PSD3: variants seen among roughly 807,000 people sequenced by gnomAD.
PSD3 encodes the protein PH and SEC7 domain-containing protein 3.
In PSD3, 49 loss-of-function variants were observed where a neutral mutation model predicts 105.5. That is an observed-to-expected ratio of 0.46 (90% CI 0.37 to 0.59). The LOEUF is 0.59. PSD3 is among the 20% of genes least tolerant of loss of function. The pLI, the probability that PSD3 is intolerant of heterozygous loss-of-function variation, is 0.00. For missense variants in PSD3, 1,561 were observed against 1,263.8 expected (o/e 1.24, Z -3.57); for synonymous variants, 557 against 457.8 (o/e 1.22, Z -2.77).
At chr8:18,727,495 G>A (rs1444952073) in intron 9 of PSD3, among the ~76,000 whole-genome samples, 5 of 149,578 alleles carry the variant, frequency 3.3e-5, no homozygotes, top group African/African-American at 1.2e-4. Flanking sequence ...GGGTAACAGA[G>A]CAAGATTCCA....
intron 15 of PSD3, among the ~76,000 whole-genome samples, chr8:18,541,361 C>T (rs538597782): frequency 2.4e-4 from 37 of 152,172 alleles, no homozygotes; most frequent in African/African-American, 8.9e-4. Context: ...ATATTTTGAA[C>T]TCGTAATATG....
chr8:19,035,004 G>A (rs1827895390), intron 1 of PSD3, among the ~76,000 whole-genome samples: 1 of 151,928 alleles, frequency 6.6e-6, no homozygotes, highest in Non-Finnish European at 1.5e-5. Flanking sequence ...TGGATGCTCA[G>A]GAGCAAACAT....
intron 8 of PSD3, among the ~76,000 whole-genome samples, chr8:18,785,422 G>C (rs1315866644): frequency 6.6e-6 from 1 of 152,098 alleles, no homozygotes; most frequent in East Asian, 1.9e-4. Context: ...TTCTTCTGCA[G>C]CTTCCTCACC....
intron 12 of PSD3, among the ~76,000 whole-genome samples, chr8:18,583,658 G>C (rs1242285241): frequency 6.6e-6 from 1 of 152,030 alleles, no homozygotes; most frequent in Non-Finnish European, 1.5e-5. Flanking sequence ...TTTAAGTGTG[G>C]GGTTAGATAT....
At chr8:18,643,749 T>C (rs1337724219) in intron 10 of PSD3, among the ~76,000 whole-genome samples, 1 of 152,266 alleles carries the variant, frequency 6.6e-6, no homozygotes, top group Non-Finnish European at 1.5e-5. Context: ...GCCCCAATCC[T>C]ATGACTTCAC....
chr8:19,066,808 T>C (rs1398624407), intron 1 of PSD3, among the ~76,000 whole-genome samples: 1 of 152,224 alleles, frequency 6.6e-6, no homozygotes, highest in Non-Finnish European at 1.5e-5. Flanking sequence ...CAATAAATGT[T>C]AGCTTATACT....
chr8:18,631,512 T>C (rs1486464187), intron 11 of PSD3, among the ~76,000 whole-genome samples: 1 of 151,978 alleles, frequency 6.6e-6, no homozygotes, highest in Non-Finnish European at 1.5e-5. Context: ...CAAAGAATAA[T>C]GCTGACACAA....
Position 18,680,042 on chromosome 8 carries a change from C to T in PSD3, c.2173-24357G>A, listed in dbSNP as rs975627690. On this transcript the variant is annotated intron_variant, in intron 9 of 15. Coordinates refer to ENST00000327040, the MANE Select transcript of PSD3 (RefSeq NM_015310.4). ...AGTTTGAGATTCCGCCTCATTTAAA[C>T]GGTATCACGTAGTTTGGCAAGAGAT... Among the ~76,000 whole-genome samples the T allele has an allele frequency of 7.9e-5, 12 of 152,264 alleles. No individual in the cohort carries two copies. In the South Asian group the frequency reaches 1.7e-3, roughly 21 times the overall value.
At chr8:18,537,032 A>T (rs1799883986) in intron 15 of PSD3, among the ~76,000 whole-genome samples, 1 of 152,182 alleles carries the variant, frequency 6.6e-6, no homozygotes, top group South Asian at 2.1e-4. Context: ...GGGGTTTTGT[A>T]CGTGTCAGTT....
intron 1 of PSD3, among the ~76,000 whole-genome samples, chr8:18,950,953 G>A (rs7814302): frequency 0.34 from 52,126 of 151,998 alleles, 9,159 homozygotes; most frequent in Middle Eastern, 0.53. Flanking sequence ...TGGGGTGCTT[G>A]TGGATAAACT....
At chr8:18,704,307 A>C (rs1466059323) in intron 9 of PSD3, among the ~76,000 whole-genome samples, 1 of 152,188 alleles carries the variant, frequency 6.6e-6, no homozygotes, top group East Asian at 1.9e-4. Context: ...GAACTTACAC[A>C]ATGGGGACCT....
intron 4 of PSD3, among the ~76,000 whole-genome samples, chr8:18,845,501 G>C (rs1428086694): frequency 6.6e-6 from 1 of 152,224 alleles, no homozygotes; most frequent in Non-Finnish European, 1.5e-5. Flanking sequence ...TCCACACTGA[G>C]AGTGCTCTGG....
intron 14 of PSD3, among the ~76,000 whole-genome samples, chr8:18,571,423 A>G (rs1000047547): frequency 6.6e-6 from 1 of 151,998 alleles, no homozygotes; most frequent in Admixed American, 6.6e-5. Context: ...CTCATCCTTT[A>G]AGCTGCACAT....
At chr8:18,563,079 A>G (rs1801501436) in intron 14 of PSD3, among the ~76,000 whole-genome samples, 2 of 152,122 alleles carry the variant, frequency 1.3e-5, no homozygotes, top group South Asian at 4.1e-4. Context: ...TATCTCCTTT[A>G]CCGATTACAA....
chr8:18,896,336 T>C (rs577787692), intron 2 of PSD3, among the ~76,000 whole-genome samples: 2 of 152,376 alleles, frequency 1.3e-5, no homozygotes, highest in African/African-American at 4.8e-5. Context: ...ATATACCAAG[T>C]GGTAGGATTG....
chr8:19,009,474 G>A (rs1016238523), intron 1 of PSD3, among the ~76,000 whole-genome samples: 2 of 152,224 alleles, frequency 1.3e-5, no homozygotes, highest in Non-Finnish European at 2.9e-5. Context: ...TGACACTACT[G>A]ACCTCATGGG....
intron 1 of PSD3, among the ~76,000 whole-genome samples, chr8:18,996,628 T>C (rs974083602): frequency 8.5e-5 from 13 of 152,118 alleles, no homozygotes; most frequent in Non-Finnish European, 1.6e-4. Context: ...TCCTCTTTAC[T>C]GTCTTTCCCA....
At chr8:18,792,575 G>A (rs1309950492) in intron 8 of PSD3, among the ~76,000 whole-genome samples, 1 of 152,150 alleles carries the variant, frequency 6.6e-6, no homozygotes, top group Non-Finnish European at 1.5e-5. Context: ...GGTGGAGGGT[G>A]GGAGGAGTAA....
At chr8:18,721,978 A>G (rs940280995) in intron 9 of PSD3, among the ~76,000 whole-genome samples, 4 of 152,138 alleles carry the variant, frequency 2.6e-5, no homozygotes, top group Non-Finnish European at 5.9e-5. Context: ...AAGTGTGATG[A>G]CTAACAACAC....
Sources: gnomAD v4.1 joint callset for allele counts (sites outside exome capture counted in the v4.1 genomes callset) on GRCh38, gnomAD v4.1.1 for gene constraint, MANE v1.5 for transcripts, NCBI Gene and HGNC (gene_info 2026-07-23, HGNC 2026-07-21) for gene names.